Variants in MICAL2 observed in about 807,000 individuals in gnomAD.
MICAL2 encodes [F-actin]-monooxygenase MICAL2.
In MICAL2, 77 loss-of-function variants were observed where a neutral mutation model predicts 127.3. That is an observed-to-expected ratio of 0.60 (90% CI 0.50 to 0.73). The LOEUF is 0.73. Among genes scored for constraint, MICAL2 ranks in the 30% least tolerant of loss-of-function variants. The pLI is 0.00. For missense variants in MICAL2, 1,351 were observed against 1,434.4 expected (o/e 0.94, Z 0.94); for synonymous variants, 570 against 551.1 (o/e 1.03, Z -0.48).
chr11:12,277,665 G>A (rs538982052), intron 1 of MICAL2, among the ~76,000 whole-genome samples: 47 of 152,314 alleles, frequency 3.1e-4, no homozygotes, highest in African/African-American at 1.1e-3. Flanking sequence ...GATTACACCA[G>A]GAAGGAAGGC....
chr11:12,321,040 C>T (rs1864289270), intron 30 of MICAL2, among the ~76,000 whole-genome samples: 1 of 152,148 alleles, frequency 6.6e-6, no homozygotes, highest in South Asian at 2.1e-4. Flanking sequence ...ATCCCAGCAT[C>T]AGCCATCTTG....
At chr11:12,156,691 C>T (rs945123578) in intron 2 of MICAL2, among the ~76,000 whole-genome samples, 2 of 152,202 alleles carry the variant, frequency 1.3e-5, no homozygotes, top group African/African-American at 4.8e-5. Context: ...CTGTAGGCCC[C>T]ACCTGGGAGC....
chr11:12,155,917 C>T (rs1241672411), intron 2 of MICAL2, among the ~76,000 whole-genome samples: 9 of 152,188 alleles, frequency 5.9e-5, no homozygotes, highest in Admixed American at 1.3e-4. Flanking sequence ...TGGGACCTCC[C>T]GGCGCCTGGT....
At chr11:12,256,111 A>G in intron 23 of MICAL2, 1 of 193,334 alleles carries the variant, frequency 5.2e-6, no homozygotes, top group Non-Finnish European at 1.1e-5. Context: ...ATTGAGAAAA[A>G]GGTCATGGGG....
chr11:12,220,525 G>A lies in MICAL2; in HGVS notation c.1206+67G>A, dbSNP rs1183186605. 4.0e-5 allele frequency: 62 copies of A among 1,561,958 alleles called. No homozygotes were observed. The East Asian group carries it at 9.9e-4, about 25-fold the overall frequency. ...AGATCCCACGTTTGTATTCTGGCAG[G>A]CAGTATCTGCTGTTGTGCAGCGGGG... On this transcript the variant is annotated intron_variant, in intron 9 of 27. Coordinates refer to ENST00000683283, the MANE Select transcript of MICAL2 (RefSeq NM_001282663.2).
intron 34 of MICAL2, among the ~76,000 whole-genome samples, chr11:12,355,185 C>T (rs758256398): frequency 2.2e-4 from 33 of 152,158 alleles, no homozygotes; most frequent in Non-Finnish European, 8.8e-5. Flanking sequence ...CAAGTCCTGC[C>T]CTCTAGGAGT....
At position 12,358,249 on chromosome 11, in the gene MICAL2, G is replaced by C. The variant is rs779301121; in HGVS notation, c.5690-46G>C. 4 of 1,584,730 alleles carry C rather than the reference G, an allele frequency of 2.5e-6. No homozygotes were observed. In the African/African-American group the frequency reaches 5.4e-5, roughly 21 times the overall value. ...AATGTCCATGCCAAGAACTCTGCCG[G>C]GGCCCAATCTTCTCTGAGCCCAGTG... On this transcript the variant is annotated intron_variant, in intron 34 of 34. Transcript: ENST00000646065.
At chr11:12,127,127 T>C (rs1850992500) in intron 1 of MICAL2, among the ~76,000 whole-genome samples, 1 of 151,998 alleles carries the variant, frequency 6.6e-6, no homozygotes, top group African/African-American at 2.4e-5. Context: ...AGAACAGGGA[T>C]GGGAGGATGA....
At chr11:12,260,859 C>A in intron 26 of MICAL2, 1 of 985,432 alleles carries the variant, frequency 1.0e-6, no homozygotes, top group Non-Finnish European at 1.2e-6. Flanking sequence ...CAACTCACAG[C>A]CAAATGACAA....
intron 3 of MICAL2, among the ~76,000 whole-genome samples, chr11:12,166,044 C>G (rs1458949155): frequency 6.6e-6 from 1 of 152,182 alleles, no homozygotes; most frequent in African/African-American, 2.4e-5. Flanking sequence ...TAACACCTGA[C>G]TCGAATGTTA....
intron 3 of MICAL2, among the ~76,000 whole-genome samples, chr11:12,164,746 T>C (rs1249738317): frequency 6.6e-6 from 1 of 152,210 alleles, no homozygotes; most frequent in African/African-American, 2.4e-5. Context: ...CCAGAGGAAC[T>C]GGCTACTGTG....
At chr11:12,287,611 A>G (rs964922701), downstream of MICAL2, among the ~76,000 whole-genome samples, 6 of 152,050 alleles carry the variant, frequency 3.9e-5, no homozygotes, top group Admixed American at 3.3e-4. Flanking sequence ...ACACACACAC[A>G]TGCACACGCA....
intron 7 of MICAL2, among the ~76,000 whole-genome samples, chr11:12,214,692 C>A (rs558119743): frequency 6.6e-6 from 1 of 152,256 alleles, no homozygotes; most frequent in South Asian, 2.1e-4. Context: ...TTTCAGCATC[C>A]ATAAATAAAA....
chr11:12,297,172 A>G (rs1398071405), downstream of MICAL2, among the ~76,000 whole-genome samples: 1 of 152,164 alleles, frequency 6.6e-6, no homozygotes, highest in Non-Finnish European at 1.5e-5. Flanking sequence ...CCCAGCAGCA[A>G]AGTATGAGAA....
chr11:12,147,172 C>T (rs1184879699), intron 2 of MICAL2, among the ~76,000 whole-genome samples: 1 of 152,022 alleles, frequency 6.6e-6, no homozygotes, highest in Non-Finnish European at 1.5e-5. Flanking sequence ...AACAAACCTG[C>T]ACATTGTGCA....
intron 1 of MICAL2, among the ~76,000 whole-genome samples, chr11:12,133,142 C>A (rs1851556915): frequency 1.3e-5 from 2 of 152,156 alleles, no homozygotes; most frequent in Admixed American, 1.3e-4. Context: ...AGTGCAGTGG[C>A]ACCATCTCGG....
intron 34 of MICAL2, chr11:12,358,148 C>A (rs557539301): frequency 2.8e-6 from 2 of 702,144 alleles, no homozygotes; most frequent in Admixed American, 2.9e-5. Flanking sequence ...ACTCTAAGGG[C>A]GGTTCCTTGG....
In MICAL2 at chr11:12,184,329, C is replaced by T. The variant is rs560095297; in HGVS notation, c.265-19921C>T. ...CTGGCTGCCTCCCTGTCCTGCAAGC[C>T]GCTCCCTGTTCACCATTCTCCTCCT... On this transcript the variant is annotated intron_variant, in intron 3 of 27. Transcript: ENST00000683283. 1.5e-4 allele frequency among the ~76,000 whole-genome samples: 23 copies of T among 152,334 alleles called. No individual in the cohort carries two copies. In the South Asian group the frequency reaches 2.5e-3, roughly 16 times the overall value.
intron 2 of MICAL2, among the ~76,000 whole-genome samples, chr11:12,282,259 G>A (rs988556322): frequency 1.3e-5 from 2 of 152,010 alleles, no homozygotes; most frequent in African/African-American, 4.8e-5. Flanking sequence ...TACCATTTGT[G>A]GGGCTGTGCA....
Sources: allele counts gnomAD v4.1 joint callset (sites outside exome capture counted in the v4.1 genomes callset), GRCh38; gene constraint gnomAD v4.1.1; transcripts MANE v1.5; gene names NCBI Gene and HGNC (gene_info 2026-07-23, HGNC 2026-07-21).